The following MYO3B variants were observed in gnomAD, a reference collection of about 807,000 sequenced individuals.
MYO3B encodes the protein myosin-IIIb.
A neutral mutation model predicts 174.6 loss-of-function variants in MYO3B; 156 were observed. The observed-to-expected ratio is 0.89, with a 90% CI of 0.78 to 1.02. The LOEUF (loss-of-function observed/expected upper bound fraction) is 1.02. Among genes scored for constraint, MYO3B ranks in the 50% least tolerant of loss-of-function variants. The probability of loss-of-function intolerance (pLI) is 0.00; values close to 1 mark genes in which losing one functional copy is unlikely to be tolerated. For missense variants in MYO3B, 1,632 were observed against 1,639.4 expected (o/e 1.00, Z 0.08); for synonymous variants, 563 against 569.1 (o/e 0.99, Z 0.15).
At chr2:170,249,278 A>G (rs16858054) in intron 7 of MYO3B, among the ~76,000 whole-genome samples, 12,881 of 152,230 alleles carry the variant, frequency 0.085, 876 homozygotes, top group African/African-American at 0.19. Flanking sequence ...AACTCCCTCT[A>G]TATAAACGGG....
At chr2:170,304,166 A>T (rs1020395198) in intron 7 of MYO3B, among the ~76,000 whole-genome samples, 3 of 152,170 alleles carry the variant, frequency 2.0e-5, no homozygotes, top group Admixed American at 1.3e-4. Context: ...CCTATGATTC[A>T]AAAGAGTACT....
intron 7 of MYO3B, among the ~76,000 whole-genome samples, chr2:170,319,591 A>G (rs990821811): frequency 6.6e-6 from 1 of 152,224 alleles, no homozygotes; most frequent in Non-Finnish European, 1.5e-5. Flanking sequence ...GAAGGAGGTG[A>G]GATAAATGTT....
chr2:170,183,946 A>T (rs180740692), intron 1 of MYO3B, among the ~76,000 whole-genome samples: 2 of 152,244 alleles, frequency 1.3e-5, no homozygotes, highest in African/African-American at 4.8e-5. Flanking sequence ...GGTGTTTCAT[A>T]CTTTGATATA....
At chr2:170,347,886 TA>T (rs2094029406) in intron 8 of MYO3B, 1 of 152,270 alleles carries the variant, frequency 6.6e-6, no homozygotes. Context: ...CCACATCTAT[TA>T]AACAGCTACT....
chr2:170,420,546 C>T (rs1230075337), intron 22 of MYO3B, among the ~76,000 whole-genome samples: 1 of 152,140 alleles, frequency 6.6e-6, no homozygotes, highest in Non-Finnish European at 1.5e-5. Context: ...GTGACAGATT[C>T]TTGTCTCAGG....
chr2:170,364,302 G>A (rs375001179), intron 8 of MYO3B, among the ~76,000 whole-genome samples: 364 of 152,096 alleles, frequency 2.4e-3, no homozygotes, highest in African/African-American at 7.6e-3. Context: ...TTTAACCCTA[G>A]CTCTTGTAAG....
At chr2:170,527,965 T>A (rs2106162983) in intron 30 of MYO3B, among the ~76,000 whole-genome samples, 1 of 152,334 alleles carries the variant, frequency 6.6e-6, no homozygotes, top group South Asian at 2.1e-4. Flanking sequence ...AATGGACAAA[T>A]GAATATGTGC....
chr2:170,580,712 T>TTATATATATATATATA (rs139311800), intron 32 of MYO3B, among the ~76,000 whole-genome samples: 2 of 136,060 alleles, frequency 1.5e-5, no homozygotes, highest in African/African-American at 5.5e-5. Flanking sequence ...CCACAAAACC[T>TTATATATATATATATA]TATATATGTG....
intron 23 of MYO3B, among the ~76,000 whole-genome samples, chr2:170,451,831 A>G (rs1319708787): frequency 2.0e-5 from 3 of 152,230 alleles, no homozygotes; most frequent in African/African-American, 7.2e-5. Context: ...ATAAGCAGGC[A>G]CAGCTGGAAG....
At chr2:170,442,073 T>A (rs1388840655) in intron 22 of MYO3B, among the ~76,000 whole-genome samples, 1 of 152,206 alleles carries the variant, frequency 6.6e-6, no homozygotes, top group African/African-American at 2.4e-5. Flanking sequence ...GCCATTAATA[T>A]ATTGTGGTAA....
intron 30 of MYO3B, among the ~76,000 whole-genome samples, chr2:170,533,201 C>T (rs1024850431): frequency 3.3e-5 from 5 of 152,130 alleles, no homozygotes; most frequent in Admixed American, 2.6e-4. Context: ...CTAGTCAGCA[C>T]TCACTGCACA....
intron 8 of MYO3B, among the ~76,000 whole-genome samples, chr2:170,355,089 C>T (rs1296253398): frequency 6.6e-6 from 1 of 152,074 alleles, no homozygotes; most frequent in East Asian, 1.9e-4. Flanking sequence ...TAATTTAGGC[C>T]TTGTGGTTCA....
intron 7 of MYO3B, among the ~76,000 whole-genome samples, chr2:170,256,339 A>G (rs1401499947): frequency 6.6e-6 from 1 of 152,210 alleles, no homozygotes; most frequent in Non-Finnish European, 1.5e-5. Flanking sequence ...TAGTAATCAG[A>G]CTTTTCAAGG....
At chr2:170,574,143 T>A (rs1053929787) in intron 32 of MYO3B, among the ~76,000 whole-genome samples, 1 of 152,192 alleles carries the variant, frequency 6.6e-6, no homozygotes, top group African/African-American at 2.4e-5. Context: ...AAACACTTTA[T>A]TGTGTTCATT....
In MYO3B at chr2:170,404,311, T is replaced by C. The variant is rs778635248; in HGVS notation, c.2342T>C (p.Leu781Ser). 8.1e-6 allele frequency: 13 copies of C among 1,613,736 alleles called. No individual in the cohort carries two copies. In the South Asian group the frequency reaches 1.1e-4, roughly 14 times the overall value. Residue 781 changes from leucine (L) to serine (S), a missense_variant, in exon 20 of 35, where the codon TTG (leucine) becomes TCG (serine). Coordinates refer to ENST00000408978, the MANE Select transcript of MYO3B (RefSeq NM_138995.5). ...PVEYEDNRPLLDMFLQKPLGL... is the reference protein window; with the variant it reads ...PVEYEDNRPLSDMFLQKPLGL... ...GAATATGAGGACAACCGCCCGCTCT[T>C]GGACATGTTCCTCCAGAAACCCCTG...
chr2:170,430,057 G>T (rs1310239975), intron 22 of MYO3B, among the ~76,000 whole-genome samples: 2 of 145,568 alleles, frequency 1.4e-5, no homozygotes, highest in African/African-American at 2.5e-5. Flanking sequence ...ATACAATATT[G>T]GTTGGATGCA....
At chr2:170,512,920 T>G (rs543362811) in intron 28 of MYO3B, among the ~76,000 whole-genome samples, 2 of 152,224 alleles carry the variant, frequency 1.3e-5, no homozygotes, top group Non-Finnish European at 1.5e-5. Flanking sequence ...TTTCCTCAGC[T>G]GTAAAATGGG....
Position 170,465,264 on chromosome 2 carries a change from T to C in MYO3B, c.2809-1242T>C, listed in dbSNP as rs111307809. Among the ~76,000 whole-genome samples the C allele has an allele frequency of 5.9e-4, 90 of 152,218 alleles. 1 individual carries two copies. Among genetic ancestry groups the C allele is most frequent in the African/African-American group, 1.9e-3 (78 of 41,532 alleles). On this transcript the variant is annotated intron_variant, in intron 24 of 34. Coordinates refer to ENST00000408978, the MANE Select transcript of MYO3B (RefSeq NM_138995.5). ...GCACCAGCATCTACTTGGCTTCTGGTGAGGCCTCGGGGAGCTTTTACTCAT... is the reference window on the plus strand; with the variant it reads ...GCACCAGCATCTACTTGGCTTCTGGCGAGGCCTCGGGGAGCTTTTACTCAT...
chr2:170,387,842 A>G (rs2094387279), intron 14 of MYO3B, among the ~76,000 whole-genome samples: 1 of 152,128 alleles, frequency 6.6e-6, no homozygotes. Flanking sequence ...TGGAATGGAA[A>G]TGCTACTAGT....
Sources: gnomAD v4.1 joint callset for allele counts (sites outside exome capture counted in the v4.1 genomes callset) on GRCh38, gnomAD v4.1.1 for gene constraint, MANE v1.5 for transcripts, NCBI Gene and HGNC (gene_info 2026-07-23, HGNC 2026-07-21) for gene names.